MYH1: variants seen among roughly 807,000 people sequenced by gnomAD.
MYH1 encodes myosin heavy chain 1.
A neutral mutation model predicts 225.6 loss-of-function variants in MYH1; 214 were observed. The observed-to-expected ratio is 0.95, with a 90% CI of 0.85 to 1.06. The LOEUF is 1.06. MYH1 is among the 50% of genes least tolerant of loss of function. The pLI is 0.00. For missense variants in MYH1, 2,098 were observed against 2,344.2 expected (o/e 0.89, Z 2.17); for synonymous variants, 774 against 842.3 (o/e 0.92, Z 1.40).
At chr17:10,509,707 C>A (rs755615009) in intron 14 of MYH1, 52 bp from the exon 15 acceptor site, 1 of 1,613,936 alleles carries the variant, frequency 6.2e-7, no homozygotes, top group South Asian at 1.1e-5. Flanking sequence ...GAAATCTTCT[C>A]TTTGAAAGGG....
At position 10,506,022 on chromosome 17, in the gene MYH1, A is replaced by T; in HGVS notation, c.2046T>A (p.Thr682=). 2.5e-6 allele frequency: 4 copies of T among 1,614,176 alleles called. No individual in the cohort carries two copies. Among genetic ancestry groups the T allele is most frequent in the Non-Finnish European group, 3.4e-6 (4 of 1,180,006 alleles). The change falls in exon 18 of 40, where the codon ACT becomes ACA. Residue 682 remains threonine, a synonymous_variant. Coordinates refer to ENST00000226207, the MANE Select transcript of MYH1 (RefSeq NM_005963.4). ...TCAGAAATGTCTTACCAGGAGTTTT[A>T]GTTTCATTGGGGATGATGCACCGCA... ...HFVRCIIPNE[T]KTPGAMEHEL... is the part of the protein sequence containing the mutation.
At chr17:10,500,154 A>G (rs1025431785) in intron 28 of MYH1, among the ~76,000 whole-genome samples, 1 of 152,230 alleles carries the variant, frequency 6.6e-6, no homozygotes, top group Non-Finnish European at 1.5e-5. Flanking sequence ...CATCACTACC[A>G]TAATCCACTG....
chr17:10,513,520 G>A, intron 9 of MYH1, 106 bp downstream of exon 9: 1 of 1,099,886 alleles, frequency 9.1e-7, no homozygotes, highest in Non-Finnish European at 1.4e-6. Flanking sequence ...ATGTTTGGCA[G>A]CAGACTGGTG....
At position 10,512,732 on chromosome 17, in the gene MYH1, C is replaced by G; in HGVS notation, c.957G>C (p.Gly319=). ...NPYDYAFVSQ[G]EITVPSIDDQ... ...CATCAATGCTGGGCACTGTGATCTCCCCTTGACTGACGAAGGCATAATCGT... is the reference window on the plus strand; with the variant it reads ...CATCAATGCTGGGCACTGTGATCTCGCCTTGACTGACGAAGGCATAATCGT... The change falls in exon 11 of 40, where the codon GGG becomes GGC. Residue 319 remains glycine, a synonymous_variant. Transcript: ENST00000226207. 1 of 1,613,928 alleles carries G rather than the reference C, an allele frequency of 6.2e-7. No individual in the cohort carries two copies. The highest frequency in any genetic ancestry group is 1.1e-5 in the South Asian group (1 of 91,086).
chr17:10,501,525 C>T (rs780756866), intron 26 of MYH1, 26 bp from the exon 27 acceptor site: 75 of 1,614,188 alleles, frequency 4.6e-5, no homozygotes, highest in Non-Finnish European at 4.8e-5. Context: ...AATATTAATA[C>T]GAACTCAACT....
chr17:10,510,020 C>T (rs984692344), intron 14 of MYH1, among the ~76,000 whole-genome samples: 5 of 151,962 alleles, frequency 3.3e-5, no homozygotes, highest in African/African-American at 1.2e-4. Flanking sequence ...CACACTGGGG[C>T]CTATTGGAGG....
intron 14 of MYH1, 145 bp downstream of exon 14, chr17:10,511,694 G>T (rs2073171128): frequency 3.1e-6 from 4 of 1,291,652 alleles, no homozygotes; most frequent in Non-Finnish European, 4.4e-6. Flanking sequence ...ACGGTCTTTT[G>T]GTGCTCTTTC....
intron 9 of MYH1, among the ~76,000 whole-genome samples, 161 bp from the exon 10 acceptor site, chr17:10,513,126 C>A (rs2073189308): frequency 6.6e-6 from 1 of 152,160 alleles, no homozygotes; most frequent in Admixed American, 6.5e-5. Flanking sequence ...AACACTATTG[C>A]AGTTCCTCCT....
rs372428243 is a variant in MYH1 at position 10,516,208 on chromosome 17, C to G, written c.339G>C (p.Trp113Cys). 6 of 1,614,084 alleles carry G rather than the reference C, an allele frequency of 3.7e-6. No individual in the cohort carries two copies. In the African/African-American group the frequency reaches 6.7e-5, roughly 18 times the overall value. Residue 113 changes from tryptophan (W) to cysteine (C), a missense_variant, in exon 4 of 40, where the codon TGG becomes TGC. Physicochemically the swap from Trp to Cys is radical, Grantham distance 215. Transcript: ENST00000226207. ...GTGAGAAAGAACTCACGTAGATCAT[C>G]CAGGCTGCGTAGCGCTCTTTGAGGT... ...LYNLKERYAA[W>C]MIYTYSGLFC...
At chr17:10,505,773 A>G (rs2073105074) in intron 19 of MYH1, 39 bp downstream of exon 19, 2 of 1,610,854 alleles carry the variant, frequency 1.2e-6, no homozygotes, top group Non-Finnish European at 1.7e-6. Context: ...AAAAAGTAAT[A>G]AAAACCTCTT....
chr17:10,497,153 TC>T lies in MYH1; in HGVS notation c.4571del (p.Gly1524GlufsTer10). 1.2e-6 allele frequency: 2 copies of T among 1,614,116 alleles called. No individual in the cohort carries two copies. The highest frequency in any genetic ancestry group is 1.7e-6 in the Non-Finnish European group (2 of 1,180,008). On this transcript the variant is annotated frameshift_variant, in exon 33 of 40. Transcript: ENST00000226207. LOFTEE classifies it high-confidence loss of function. ...TTTTTTCCAGTTCATGGATGCGCTT[TC>T]CTCCTTCTGCAATCTGTTCAGTGAG... ...SDLTEQIAEG[G>X]KRIHELEKIK...
intron 19 of MYH1, 126 bp downstream of exon 19, chr17:10,505,686 T>C (rs1483546800): frequency 2.1e-6 from 3 of 1,401,520 alleles, no homozygotes; most frequent in Non-Finnish European, 2.9e-6. Flanking sequence ...TATGTCAATA[T>C]GGAGTTTGTT....
Position 10,509,494 on chromosome 17 carries a change from G to A in MYH1, c.1578C>T (p.Leu526=). ...CAAAAAGCAAGCCAACCTTCTCGAT[G>A]AGCTCGATGCAGGCAGCCAGGTCCA... The part of the protein sequence containing the change: ...FGMDLAACIE[L]IEKPMGIFSI... Residue 526 remains leucine, a synonymous_variant, in exon 15 of 40, where the codon CTC becomes CTT. Coordinates refer to ENST00000226207, the MANE Select transcript of MYH1 (RefSeq NM_005963.4). 1 of 1,614,120 alleles carries A rather than the reference G, an allele frequency of 6.2e-7. No individual in the cohort carries two copies. The highest frequency in any genetic ancestry group is 8.5e-7 in the Non-Finnish European group (1 of 1,180,022).
Position 10,506,135 on chromosome 17 carries a change from T to C in MYH1, c.1969-36A>G, listed in dbSNP as rs749351039. The C allele has an allele frequency of 2.5e-6, 4 of 1,606,948 alleles. No individual in the cohort carries two copies. In the Admixed American group the frequency reaches 5.0e-5, roughly 20 times the overall value. ...ATGCGAGTTTATACTTTAAAAAATG[T>C]ACTGTTTTCTACATTCATATTTATA... On this transcript the variant is annotated intron_variant, in intron 17 of 39. Transcript: ENST00000226207.
Position 10,509,346 on chromosome 17 carries a change from C to T in MYH1, c.1587+139G>A, listed in dbSNP as rs963612746. ...TCTCCTTTTACCAGAATATCTACTT[C>T]AGAGTTGGCAAAATAAGGAATTCTC... On this transcript the variant is annotated intron_variant, in intron 15 of 39. Transcript: ENST00000226207. 25 of 1,364,752 alleles carry T rather than the reference C, an allele frequency of 1.8e-5. No homozygotes were observed. In the African/African-American group the frequency reaches 3.4e-4, roughly 18 times the overall value. 84.5% of individuals were successfully genotyped at this position (1,364,752 alleles called of 1,614,324 possible). A position where few individuals can be genotyped will look rare whatever the true frequency, so the allele number is the denominator to read the frequency against.
At chr17:10,513,965 G>T in intron 7 of MYH1, 45 bp downstream of exon 7, 1 of 1,613,818 alleles carries the variant, frequency 6.2e-7, no homozygotes, top group Non-Finnish European at 8.5e-7. Context: ...TTTCCTACCT[G>T]AGAGTCCCGA....
chr17:10,495,836 TA>T, intron 35 of MYH1, 113 bp downstream of exon 35: 1 of 1,271,830 alleles, frequency 7.9e-7, no homozygotes, highest in Non-Finnish European at 1.1e-6. Flanking sequence ...TAAAATATTT[TA>T]AACTTTATCC....
At position 10,514,880 on chromosome 17, in the gene MYH1, G is replaced by A; in HGVS notation, c.521C>T (p.Ser174Phe). 1 of 1,612,654 alleles carries A rather than the reference G, an allele frequency of 6.2e-7. No homozygotes were observed. Among genetic ancestry groups the A allele is most frequent in the Non-Finnish European group, 8.5e-7 (1 of 1,179,058 alleles). The change falls in exon 6 of 40, where the codon TCT becomes TTT. Residue 174 changes from serine (S) to phenylalanine (F), a missense_variant. Coordinates refer to ENST00000226207, the MANE Select transcript of MYH1 (RefSeq NM_005963.4). ...QFMLTDRENQ[S>F]ILITGESGAG... ...TAGGAATACATACGTGATCAAGATA[G>A]ACTGATTCTCCCGATCTAGAAGAAA...
chr17:10,504,360 A>G (rs1485708000), intron 22 of MYH1, among the ~76,000 whole-genome samples: 1 of 152,260 alleles, frequency 6.6e-6, no homozygotes, highest in Non-Finnish European at 1.5e-5. Context: ...TTCAGGTACT[A>G]AAAGTTTCTA....
Sources: gnomAD v4.1 joint callset for allele counts (sites outside exome capture counted in the v4.1 genomes callset) on GRCh38, gnomAD v4.1.1 for gene constraint, MANE v1.5 for transcripts, NCBI Gene and HGNC (gene_info 2026-07-23, HGNC 2026-07-21) for gene names.